The following CEP112 variants were observed in gnomAD, a reference collection of about 807,000 sequenced individuals.
The protein encoded by CEP112 is centrosomal protein 112.
CEP112 carries 127 observed loss-of-function variants against 153.0 expected under a neutral mutation model. The ratio of observed to expected loss-of-function variants is 0.83; its 90% CI spans 0.72 to 0.96. The LOEUF is 0.96. Ranked by LOEUF, CEP112 falls within the 40% of genes least tolerant of loss-of-function variation. The pLI, the probability that CEP112 is intolerant of heterozygous loss-of-function variation, is 0.00. For missense variants in CEP112, 1,089 were observed against 1,101.2 expected, an observed-to-expected ratio of 0.99 and a Z score of 0.16; for synonymous variants, 358 against 374.4, an observed-to-expected ratio of 0.96 and a Z score of 0.51.
rs574800726 is a variant in CEP112 at position 66,129,214 on chromosome 17, C to A, written c.642+532G>T. 3.3e-5 allele frequency among the ~76,000 whole-genome samples: 5 copies of A among 152,246 alleles called. No homozygotes were observed. The South Asian group carries it at 1.0e-3, about 32-fold the overall frequency. On this transcript the variant is annotated intron_variant, in intron 6 of 26. Transcript: ENST00000535342. ...GCCCACAGATTCCATACATAAATTCCAAACACCCAATCACGACAGCTCACT... is the reference window on the plus strand; with the variant it reads ...GCCCACAGATTCCATACATAAATTCAAAACACCCAATCACGACAGCTCACT...
At chr17:65,858,728 T>C (rs890530924) in intron 20 of CEP112, among the ~76,000 whole-genome samples, 4 of 152,256 alleles carry the variant, frequency 2.6e-5, no homozygotes, top group African/African-American at 9.6e-5. Flanking sequence ...GCAGGTTAAG[T>C]GTACCCATTT....
At chr17:65,926,930 TAGA>T (rs552437791) in intron 19 of CEP112, among the ~76,000 whole-genome samples, 2 of 152,166 alleles carry the variant, frequency 1.3e-5, no homozygotes, top group Non-Finnish European at 2.9e-5. Context: ...TCTGACAGGA[TAGA>T]AGAATGACTG....
At chr17:66,051,356 T>G (rs950162397) in intron 12 of CEP112, among the ~76,000 whole-genome samples, 1 of 149,286 alleles carries the variant, frequency 6.7e-6, no homozygotes, top group Admixed American at 6.7e-5. Flanking sequence ...GAGTGTTTAT[T>G]ATTGTGTATA....
chr17:66,126,394 G>GT, intron 6 of CEP112, among the ~76,000 whole-genome samples: 1 of 152,074 alleles, frequency 6.6e-6, no homozygotes, highest in South Asian at 2.1e-4. Flanking sequence ...CACATAGAGT[G>GT]TTTCACAATG....
chr17:65,970,512 T>C (rs2062687574), intron 17 of CEP112, among the ~76,000 whole-genome samples: 1 of 151,650 alleles, frequency 6.6e-6, no homozygotes, highest in South Asian at 2.1e-4. Flanking sequence ...ATTATATGCA[T>C]GCATATTAAA....
At chr17:66,067,408 G>C (rs1235020186) in intron 9 of CEP112, among the ~76,000 whole-genome samples, 6 of 152,168 alleles carry the variant, frequency 3.9e-5, no homozygotes, top group Admixed American at 3.9e-4. Context: ...CATAAAAATA[G>C]CTGAAATTGT....
intron 16 of CEP112, among the ~76,000 whole-genome samples, chr17:66,011,038 AG>A (rs1330926408): frequency 6.6e-6 from 1 of 152,120 alleles, no homozygotes; most frequent in Non-Finnish European, 1.5e-5. Flanking sequence ...GAATAGTAGC[AG>A]CTCTTCTTTA....
chr17:65,642,350 A>C (rs1004717294), intron 24 of CEP112, among the ~76,000 whole-genome samples: 2 of 152,232 alleles, frequency 1.3e-5, no homozygotes, highest in Non-Finnish European at 2.9e-5. Flanking sequence ...GAGTTGGATA[A>C]GCCTATCAAT....
At chr17:65,883,681 T>C (rs531762429) in intron 20 of CEP112, among the ~76,000 whole-genome samples, 22 of 152,342 alleles carry the variant, frequency 1.4e-4, no homozygotes, top group African/African-American at 5.3e-4. Context: ...GTTTATATTT[T>C]ACTCTAAGTG....
At chr17:66,125,419 C>G (rs2069798081) in intron 6 of CEP112, among the ~76,000 whole-genome samples, 1 of 152,094 alleles carries the variant, frequency 6.6e-6, no homozygotes, top group East Asian at 1.9e-4. Context: ...GAGGCTGAGG[C>G]AAGACGATCA....
intron 23 of CEP112, among the ~76,000 whole-genome samples, chr17:65,733,909 C>T (rs1380812031): frequency 6.6e-6 from 1 of 152,204 alleles, no homozygotes; most frequent in African/African-American, 2.4e-5. Context: ...CCGAAAAACA[C>T]AAATTCTTTT....
At chr17:66,180,404 T>C (rs1002511522) in intron 2 of CEP112, among the ~76,000 whole-genome samples, 3 of 152,182 alleles carry the variant, frequency 2.0e-5, no homozygotes, top group Admixed American at 2.0e-4. Context: ...TAATTTTAGA[T>C]ATATTGAAAA....
chr17:66,155,189 C>G (rs977417605), intron 4 of CEP112, among the ~76,000 whole-genome samples: 1 of 152,126 alleles, frequency 6.6e-6, no homozygotes, highest in African/African-American at 2.4e-5. Context: ...AACTGAGGTA[C>G]CCGGCTAATC....
intron 24 of CEP112, among the ~76,000 whole-genome samples, chr17:65,657,621 A>G (rs1219155888): frequency 2.0e-5 from 3 of 152,190 alleles, no homozygotes; most frequent in Non-Finnish European, 4.4e-5. Context: ...AAAGAGGGTG[A>G]CTAGGCCTTT....
At chr17:65,862,589 A>AAAT (rs922598720) in intron 20 of CEP112, among the ~76,000 whole-genome samples, 5 of 152,170 alleles carry the variant, frequency 3.3e-5, no homozygotes, top group African/African-American at 7.2e-5. Flanking sequence ...TCCACCTCAA[A>AAAT]AATAATAATA....
intron 24 of CEP112, among the ~76,000 whole-genome samples, chr17:65,668,624 A>G (rs892970710): frequency 6.6e-6 from 1 of 152,236 alleles, no homozygotes; most frequent in African/African-American, 2.4e-5. Flanking sequence ...GAAAAGGAAT[A>G]AAAGTGCTCT....
rs985632805 is a variant in CEP112 at position 65,927,272 on chromosome 17, T to G, written c.1980+310A>C. ...GCCTCTCCAGAAACAGAGGCCACTA[T>G]GCTTTCTGCACAACCTGCAGAACTG... On this transcript the variant is annotated intron_variant, in intron 19 of 26. Transcript: ENST00000535342. Among the ~76,000 whole-genome samples, 11 of 152,188 alleles carry G rather than the reference T, an allele frequency of 7.2e-5. 1 individual carries two copies. In the South Asian group the frequency reaches 2.1e-3, roughly 29 times the overall value.
At chr17:65,686,113 CTTTT>C (rs35816434) in intron 24 of CEP112, among the ~76,000 whole-genome samples, 2,125 of 104,290 alleles carry the variant, frequency 0.02, 34 homozygotes, top group African/African-American at 0.054. Context: ...AAACAACTGG[CTTTT>C]TTTTTTTTTT....
At chr17:66,107,710 C>A (rs1014274488) in intron 6 of CEP112, among the ~76,000 whole-genome samples, 1 of 152,026 alleles carries the variant, frequency 6.6e-6, no homozygotes, top group South Asian at 2.1e-4. Flanking sequence ...GTTAAAATGT[C>A]CATACTACCC....
Sources: allele counts gnomAD v4.1 joint callset (sites outside exome capture counted in the v4.1 genomes callset), GRCh38; gene constraint gnomAD v4.1.1; transcripts MANE v1.5; gene names NCBI Gene and HGNC (gene_info 2026-07-23, HGNC 2026-07-21).